The following EML5 variants were observed in gnomAD, a reference collection of about 807,000 sequenced individuals.
EML5 encodes the protein echinoderm microtubule-associated protein-like 5.
In EML5, 120 loss-of-function variants were observed where a neutral mutation model predicts 250.0. The ratio of observed to expected loss-of-function variants is 0.48; its 90% CI spans 0.41 to 0.56. The LOEUF is 0.56. Ranked by LOEUF, EML5 falls within the 20% of genes least tolerant of loss-of-function variation. The pLI, the probability that EML5 is intolerant of heterozygous loss-of-function variation, is 0.00. For synonymous variants in EML5, 771 were observed against 806.5 expected, an observed-to-expected ratio of 0.96 and a Z score of 0.75; for missense variants, 2,006 against 2,437.6, an observed-to-expected ratio of 0.82 and a Z score of 3.73.
intron 10 of EML5, among the ~76,000 whole-genome samples, chr14:88,708,444 T>A (rs907574097): frequency 1.3e-5 from 2 of 152,092 alleles, no homozygotes; most frequent in Admixed American, 1.3e-4. Flanking sequence ...TTAATATATA[T>A]CTCTGGTGCC....
intron 28 of EML5, among the ~76,000 whole-genome samples, chr14:88,649,573 T>C (rs868519603): frequency 1.8e-4 from 28 of 152,222 alleles, no homozygotes; most frequent in African/African-American, 6.5e-4. Context: ...TGTTAACAGG[T>C]TTAAAATTGA....
chr14:88,723,716 TAC>T lies in EML5; in HGVS notation c.1187+2823_1187+2824del, dbSNP rs1264653618. Reference sequence around the variant, plus strand: ...TCTCATGTTGTACGTCGTAAATATATACAGTTTTTATTTGTCAATCATGCCTT... The same window carrying T: ...TCTCATGTTGTACGTCGTAAATATATAGTTTTTATTTGTCAATCATGCCTT... On this transcript the variant is annotated intron_variant, in intron 8 of 43. Coordinates refer to ENST00000554922, the MANE Select transcript of EML5 (RefSeq NM_183387.3). Among the ~76,000 whole-genome samples the T allele has an allele frequency of 2.6e-5, 4 of 152,290 alleles. No individual in the cohort carries two copies. In the East Asian group the frequency reaches 7.7e-4, roughly 29 times the overall value.
chr14:88,788,408 C>G (rs1178564559), intron 1 of EML5, among the ~76,000 whole-genome samples: 3 of 151,980 alleles, frequency 2.0e-5, no homozygotes, highest in Non-Finnish European at 4.4e-5. Context: ...TTTAAAAAAG[C>G]CATACATAGA....
intron 3 of EML5, 101 bp downstream of exon 3, chr14:88,746,084 C>A: frequency 1.1e-6 from 1 of 876,184 alleles, no homozygotes; most frequent in Non-Finnish European, 1.8e-6. Flanking sequence ...TACATATGAC[C>A]TATCTGGCAA....
rs1274550641 is a variant in EML5 at position 88,792,151 on chromosome 14, G to C, written c.197+156C>G. Among the ~76,000 whole-genome samples, 1 of 152,172 alleles carries C rather than the reference G, an allele frequency of 6.6e-6. No homozygotes were observed. Among genetic ancestry groups the C allele is most frequent in the Non-Finnish European group, 1.5e-5 (1 of 68,022 alleles). ...GGAAGAGGGGAAAGGCATTTGTAGG[G>C]TGTTAACTGGTGGACTCGGGACCAG... On this transcript the variant is annotated intron_variant, in intron 1 of 43. Coordinates refer to ENST00000554922, the MANE Select transcript of EML5 (RefSeq NM_183387.3). The surrounding 1 kb of genome is among the most constrained non-coding windows in gnomAD (Gnocchi z 6.9).
At chr14:88,680,140 A>G (rs1171789458) in intron 21 of EML5, among the ~76,000 whole-genome samples, 2 of 152,162 alleles carry the variant, frequency 1.3e-5, no homozygotes, top group Non-Finnish European at 2.9e-5. Context: ...TTGTATTTCA[A>G]TATACTAAAC....
At chr14:88,699,479 G>A (rs2093158827) in intron 14 of EML5, among the ~76,000 whole-genome samples, 1 of 151,898 alleles carries the variant, frequency 6.6e-6, no homozygotes. Flanking sequence ...ATCATTTATA[G>A]CTTGTGGCTA....
intron 2 of EML5, among the ~76,000 whole-genome samples, chr14:88,747,089 A>G (rs1326740839): frequency 6.6e-6 from 1 of 152,110 alleles, no homozygotes; most frequent in Admixed American, 6.5e-5. Flanking sequence ...TACAGGTAGC[A>G]ATTCAATCAA....
chr14:88,715,306 T>C (rs780184492), intron 8 of EML5, 111 bp from the exon 9 acceptor site: 84 of 1,076,166 alleles, frequency 7.8e-5, no homozygotes, highest in Non-Finnish European at 9.8e-5. Flanking sequence ...TTATAAACTA[T>C]AAAGTAAACA....
At chr14:88,649,470 C>T (rs1388688769) in intron 28 of EML5, among the ~76,000 whole-genome samples, 2 of 152,208 alleles carry the variant, frequency 1.3e-5, no homozygotes, top group African/African-American at 4.8e-5. Flanking sequence ...CCCAAAGAGT[C>T]TTTACCTACA....
chr14:88,762,370 T>C (rs2094257178), intron 1 of EML5, among the ~76,000 whole-genome samples: 1 of 151,976 alleles, frequency 6.6e-6, no homozygotes, highest in Non-Finnish European at 1.5e-5. Context: ...ATTAGCGGGT[T>C]GTGGTGGCAC....
At chr14:88,661,144 A>C (rs1292715139) in intron 25 of EML5, among the ~76,000 whole-genome samples, 2 of 152,192 alleles carry the variant, frequency 1.3e-5, no homozygotes, top group Non-Finnish European at 2.9e-5. Flanking sequence ...ACTGGTGTGC[A>C]ATGACATGAC....
intron 41 of EML5, chr14:88,617,747 G>A (rs2087952443): frequency 6.5e-6 from 1 of 152,784 alleles, no homozygotes; most frequent in Non-Finnish European, 1.5e-5. Context: ...TTACAGGCAT[G>A]AGCCACTATA....
chr14:88,747,135 A>G (rs1353313742), intron 2 of EML5, among the ~76,000 whole-genome samples: 1 of 152,032 alleles, frequency 6.6e-6, no homozygotes, highest in African/African-American at 2.4e-5. Flanking sequence ...AAAAAGGGTC[A>G]GGTGCGGTGG....
chr14:88,669,734 G>A (rs2092406798), intron 21 of EML5, among the ~76,000 whole-genome samples: 1 of 152,202 alleles, frequency 6.6e-6, no homozygotes, highest in African/African-American at 2.4e-5. Context: ...CCTCTGCCAA[G>A]GGGTAGTCAG....
At position 88,753,264 on chromosome 14, in the gene EML5, A is replaced by C. The variant is rs376749476; in HGVS notation, c.357+1248T>G. Among the ~76,000 whole-genome samples the C allele has an allele frequency of 2.0e-5, 3 of 152,188 alleles. No homozygotes were observed. The East Asian group carries it at 5.8e-4, about 29-fold the overall frequency. On this transcript the variant is annotated intron_variant, in intron 2 of 43. Transcript: ENST00000554922. ...ACAAGGGGTTTGAGCTGGGCAGCCA[A>C]CTAAACGAGCTACACCCTTGTTACA...
chr14:88,620,686 T>C lies in EML5; in HGVS notation c.5375+68A>G. On this transcript the variant is annotated intron_variant, in intron 39 of 43. Coordinates refer to ENST00000554922, the MANE Select transcript of EML5 (RefSeq NM_183387.3). The surrounding 1 kb of genome is among the most constrained non-coding windows in gnomAD (Gnocchi z 4.3). ...GGACCTCTTTTTGAAGGCAAGGCTATGGAAAATTTTACAAATGGAAGTTAA... is the reference window on the plus strand; with the variant it reads ...GGACCTCTTTTTGAAGGCAAGGCTACGGAAAATTTTACAAATGGAAGTTAA... 6 of 1,356,178 alleles carry C rather than the reference T, an allele frequency of 4.4e-6. No homozygotes were observed. Among genetic ancestry groups the C allele is most frequent in the South Asian group, 2.0e-5 (1 of 50,014 alleles). The allele number at this position is 1,356,178 out of a possible 1,614,324, so 84.0% of individuals were successfully genotyped here.
At chr14:88,740,264 T>C in intron 5 of EML5, 123 bp downstream of exon 5, 3 of 689,308 alleles carry the variant, frequency 4.4e-6, no homozygotes, top group Non-Finnish European at 6.6e-6. Flanking sequence ...ATAATTCAGT[T>C]AGAAAAGCAT....
At chr14:88,629,318 AAATTC>A (rs1463951246) in intron 33 of EML5, among the ~76,000 whole-genome samples, 1 of 152,194 alleles carries the variant, frequency 6.6e-6, no homozygotes, top group African/African-American at 2.4e-5. Flanking sequence ...AAGTAATCTT[AAATTC>A]AATGACTGAG....
Sources: gnomAD v4.1 joint callset for allele counts (sites outside exome capture counted in the v4.1 genomes callset) on GRCh38, gnomAD v4.1.1 for gene constraint, Gnocchi (gnomAD v3.1) non-coding constraint, MANE v1.5 for transcripts, NCBI Gene and HGNC (gene_info 2026-07-23, HGNC 2026-07-21) for gene names.